TULP4: variants seen among roughly 807,000 people sequenced by gnomAD.
TULP4 encodes the protein tubby-related protein 4.
TULP4 carries 16 observed loss-of-function variants against 129.0 expected under a neutral mutation model. That is an observed-to-expected ratio of 0.12 (90% CI 0.08 to 0.19). The LOEUF is 0.19. Ranked by LOEUF, TULP4 falls within the 10% of genes least tolerant of loss-of-function variation. The probability of loss-of-function intolerance (pLI) is 1.00; values close to 1 mark genes in which losing one functional copy is unlikely to be tolerated. For missense variants in TULP4, 1,842 were observed against 2,059.1 expected (o/e 0.89, Z 2.04); for synonymous variants, 998 against 854.0 (o/e 1.17, Z -2.94).
At chr6:158,322,514 T>TG (rs1292077823) in intron 1 of TULP4, among the ~76,000 whole-genome samples, 1 of 152,150 alleles carries the variant, frequency 6.6e-6, no homozygotes. Context: ...ATATAAGTGA[T>TG]GAAATAGTAA....
intron 5 of TULP4, among the ~76,000 whole-genome samples, chr6:158,453,295 A>G (rs1173413953): frequency 2.0e-5 from 3 of 151,698 alleles, no homozygotes; most frequent in African/African-American, 7.3e-5. Context: ...GTGAAACCCC[A>G]TCTCTACTAA....
intron 1 of TULP4, among the ~76,000 whole-genome samples, chr6:158,253,750 A>C (rs1428043761): frequency 6.6e-6 from 1 of 152,168 alleles, no homozygotes; most frequent in African/African-American, 2.4e-5. Flanking sequence ...AGAAGACAGA[A>C]TGTGCCGAGC....
chr6:158,302,719 A>G (rs1779152508), intron 1 of TULP4, among the ~76,000 whole-genome samples: 1 of 152,182 alleles, frequency 6.6e-6, no homozygotes, highest in African/African-American at 2.4e-5. Flanking sequence ...TAATTCCTTC[A>G]TGTCTTGGAC....
At chr6:158,474,968 C>G (rs1413618145) in intron 6 of TULP4, among the ~76,000 whole-genome samples, 3 of 152,194 alleles carry the variant, frequency 2.0e-5, no homozygotes, top group Admixed American at 1.3e-4. Flanking sequence ...GTATTTGATT[C>G]ATTGTCAGTC....
At chr6:158,482,757 T>C (rs565506948) in intron 8 of TULP4, among the ~76,000 whole-genome samples, 4 of 152,198 alleles carry the variant, frequency 2.6e-5, no homozygotes, top group Non-Finnish European at 5.9e-5. Context: ...AAATCTGTAT[T>C]GAGATTAAAT....
At chr6:158,390,550 G>A (rs1452216169) in intron 1 of TULP4, among the ~76,000 whole-genome samples, 1 of 152,146 alleles carries the variant, frequency 6.6e-6, no homozygotes, top group Non-Finnish European at 1.5e-5. Context: ...GCCATTTATA[G>A]AGCGTGGTCC....
intron 1 of TULP4, among the ~76,000 whole-genome samples, chr6:158,288,389 A>G (rs1778865766): frequency 6.6e-6 from 1 of 152,046 alleles, no homozygotes; most frequent in South Asian, 2.1e-4. Flanking sequence ...CATGATACAG[A>G]CATCTTTATC....
At chr6:158,296,950 C>G (rs138141736) in intron 1 of TULP4, among the ~76,000 whole-genome samples, 4 of 152,192 alleles carry the variant, frequency 2.6e-5, no homozygotes, top group African/African-American at 9.6e-5. Flanking sequence ...CAGCAGTGCA[C>G]GTATTATCTT....
intron 2 of TULP4, among the ~76,000 whole-genome samples, chr6:158,426,983 T>C (rs1243065760): frequency 1.3e-5 from 2 of 152,200 alleles, no homozygotes; most frequent in Non-Finnish European, 2.9e-5. Context: ...TTTGTTTCAG[T>C]TGTGAATGAG....
Position 158,482,114 on chromosome 6 carries a change from G to A in TULP4, c.1486+825G>A, listed in dbSNP as rs573533494. Reference sequence around the variant, plus strand: ...GGGGAGAGAACTGAGTCATCTTTGTGCCCTCAGTGGATTTGGATTTGTTTT... The same window carrying A: ...GGGGAGAGAACTGAGTCATCTTTGTACCCTCAGTGGATTTGGATTTGTTTT... On this transcript the variant is annotated intron_variant, in intron 8 of 13. Coordinates refer to ENST00000367097, the MANE Select transcript of TULP4 (RefSeq NM_020245.5). Among the ~76,000 whole-genome samples, 8 of 152,346 alleles carry A rather than the reference G, an allele frequency of 5.3e-5. No homozygotes were observed. In the South Asian group the frequency reaches 1.7e-3, roughly 32 times the overall value.
chr6:158,331,336 T>A (rs975583356), intron 1 of TULP4, among the ~76,000 whole-genome samples: 1 of 152,138 alleles, frequency 6.6e-6, no homozygotes, highest in East Asian at 1.9e-4. Flanking sequence ...CACCTACCTA[T>A]CTGTGAACTC....
At chr6:158,268,583 T>TC (rs1562500285) in intron 1 of TULP4, among the ~76,000 whole-genome samples, 1 of 152,116 alleles carries the variant, frequency 6.6e-6, no homozygotes, top group East Asian at 1.9e-4. Context: ...CTTAATCACT[T>TC]CCCAAAGGCC....
intron 1 of TULP4, among the ~76,000 whole-genome samples, chr6:158,357,525 T>G (rs987776428): frequency 1.3e-5 from 2 of 152,252 alleles, no homozygotes; most frequent in African/African-American, 4.8e-5. Flanking sequence ...CCAGCAGCCC[T>G]GCGGCGGCCA....
In TULP4 at chr6:158,237,764, C is replaced by G. The variant is rs953023539; in HGVS notation, n.68+5461C>G. 2.6e-5 allele frequency: 21 copies of G among 798,448 alleles called. 1 individual carries two copies. Among genetic ancestry groups the G allele is most frequent in the Non-Finnish European group, 3.7e-5 (16 of 437,118 alleles). 49.5% of individuals were successfully genotyped at this position (798,448 alleles called of 1,614,324 possible). A position where few individuals can be genotyped will look rare whatever the true frequency, so the allele number is the denominator to read the frequency against. On this transcript the variant is annotated intron_variant and non_coding_transcript_variant, in intron 1 of 1. Transcript: ENST00000620026. ...CCACCCTTCCAAATGTATGTAGCACCAGGAGAATTTTCAAGAGCCTCAACA... is the reference window on the plus strand; with the variant it reads ...CCACCCTTCCAAATGTATGTAGCACGAGGAGAATTTTCAAGAGCCTCAACA...
chr6:158,307,207 G>GTTC (rs1396036616), intron 1 of TULP4, among the ~76,000 whole-genome samples: 1 of 152,116 alleles, frequency 6.6e-6, no homozygotes, highest in African/African-American at 2.4e-5. Flanking sequence ...AGATGGCTAG[G>GTTC]TTCTCATATT....
chr6:158,299,941 G>C (rs1016490944), intron 1 of TULP4, among the ~76,000 whole-genome samples: 2 of 152,166 alleles, frequency 1.3e-5, no homozygotes, highest in African/African-American at 4.8e-5. Flanking sequence ...TTATTTTCAG[G>C]CTAATAGAAA....
intron 1 of TULP4, among the ~76,000 whole-genome samples, chr6:158,357,616 T>C (rs1780678381): frequency 6.6e-6 from 1 of 152,252 alleles, no homozygotes; most frequent in Non-Finnish European, 1.5e-5. Context: ...ACCTTTGCTC[T>C]GATGTTATAC....
rs531939774 is a variant in TULP4, at chr6:158,341,613, G to C, written c.252+27345G>C. Among the ~76,000 whole-genome samples, 9 of 152,166 alleles carry C rather than the reference G, an allele frequency of 5.9e-5. 1 individual carries two copies. The South Asian group carries it at 1.9e-3, about 32-fold the overall frequency. ...TCTTGGAAAAAGCTGTTTTAACTGGGGTGAGATGGTATCCCATTGTAGTTT... is the reference window on the plus strand; with the variant it reads ...TCTTGGAAAAAGCTGTTTTAACTGGCGTGAGATGGTATCCCATTGTAGTTT... On this transcript the variant is annotated intron_variant, in intron 1 of 13. Coordinates refer to ENST00000367097, the MANE Select transcript of TULP4 (RefSeq NM_020245.5).
At chr6:158,416,821 G>A in intron 2 of TULP4, among the ~76,000 whole-genome samples, 1 of 152,124 alleles carries the variant, frequency 6.6e-6, no homozygotes, top group African/African-American at 2.4e-5. Context: ...TTTTATAGAT[G>A]AACCACTTTT....
Sources: allele counts gnomAD v4.1 joint callset (sites outside exome capture counted in the v4.1 genomes callset), GRCh38; gene constraint gnomAD v4.1.1; transcripts MANE v1.5; gene names NCBI Gene and HGNC (gene_info 2026-07-23, HGNC 2026-07-21).